The following SDC1 variants were observed in gnomAD, a reference collection of about 807,000 sequenced individuals.
SDC1 encodes the protein syndecan 1, also known as syndecan-1.
A neutral mutation model predicts 29.7 loss-of-function variants in SDC1; 14 were observed. The ratio of observed to expected loss-of-function variants is 0.47; its 90% CI spans 0.31 to 0.74. The LOEUF is 0.74. Ranked by LOEUF, SDC1 falls within the 30% of genes least tolerant of loss-of-function variation. SDC1 has a pLI of 0.05. For synonymous variants in SDC1, 204 were observed against 175.5 expected (o/e 1.16, Z -1.29); for missense variants, 406 against 400.3 (o/e 1.01, Z -0.12).
Position 20,202,624 on chromosome 2 carries a change from C to CCGT in SDC1, c.*139_*141dup. On this transcript the variant is annotated 3_prime_UTR_variant, in exon 5 of 5. Coordinates refer to ENST00000254351, the MANE Select transcript of SDC1 (RefSeq NM_002997.5). ...GGAGCTCCCAGCACACCCCACGACTCCGTGGGCAGGAGCGACCAGAGGGGC... is the reference window on the plus strand; with the variant it reads ...GGAGCTCCCAGCACACCCCACGACTCCGTCGTGGGCAGGAGCGACCAGAGGGGC... 1.2e-6 allele frequency: 1 copy of CCGT among 804,650 alleles called. No individual in the cohort carries two copies. The highest frequency in any genetic ancestry group is 2.0e-6 in the Non-Finnish European group (1 of 498,018). 49.8% of individuals were successfully genotyped at this position (804,650 alleles called of 1,614,324 possible).
Position 20,202,897 on chromosome 2 carries a change from C to T in SDC1, c.802G>A (p.Val268Met). 1 of 1,613,558 alleles carries T rather than the reference C, an allele frequency of 6.2e-7. No individual in the cohort carries two copies. The highest frequency in any genetic ancestry group is 8.5e-7 in the Non-Finnish European group (1 of 1,179,768). The change falls in exon 5 of 5, where the codon GTG becomes ATG. Residue 268 changes from valine to methionine, a missense_variant. Coordinates refer to ENST00000254351, the MANE Select transcript of SDC1 (RefSeq NM_002997.5). ...TACAGCATGAAACCCACCAGGCACACAGCAAAGATGAGCCCCACGAGGCCT... is the reference window on the plus strand; with the variant it reads ...TACAGCATGAAACCCACCAGGCACATAGCAAAGATGAGCCCCACGAGGCCT... ...AGGLVGLIFA[V>M]CLVGFMLYRM...
rs1166131322 is a variant in SDC1, at chr2:20,224,368, GCAAGCCCGCGGGT to G, written c.66+421_66+433del. ...CGCCCGGGCTCGGCGGCGCTGGGGC[GCAAGCCCGCGGGT>G]CTGGTTTGAATTAGGGTCTGCAGGG... On this transcript the variant is annotated intron_variant, in intron 1 of 4. Transcript: ENST00000254351. This position sits in a 1 kb window ranked among gnomAD's most constrained non-coding sequence, Gnocchi z 4.9. 2.2e-4 allele frequency: 34 copies of G among 152,130 alleles called. No individual in the cohort carries two copies. The highest frequency in any genetic ancestry group is 6.8e-3 in the Middle Eastern group (2 of 296). The allele number at this position is 152,130 out of a possible 1,614,324, so 9.4% of individuals were successfully genotyped here. A position where few individuals can be genotyped will look rare whatever the true frequency, so the allele number is the denominator to read the frequency against.
chr2:20,211,603 C>G (rs1263478597), intron 1 of SDC1, among the ~76,000 whole-genome samples: 2 of 152,258 alleles, frequency 1.3e-5, no homozygotes, highest in African/African-American at 4.8e-5. Flanking sequence ...GCTGAGCCCA[C>G]TGGCTTCCCA....
At chr2:20,203,300 A>T (rs1677107654) in intron 3 of SDC1, 78 bp from the exon 4 acceptor site, 4 of 1,491,740 alleles carry the variant, frequency 2.7e-6, no homozygotes, top group Non-Finnish European at 3.6e-6. Flanking sequence ...AAGACCCAGA[A>T]GCAGCTCCTG....
At chr2:20,209,560 C>G (rs375215781) in intron 1 of SDC1, among the ~76,000 whole-genome samples, 1 of 152,212 alleles carries the variant, frequency 6.6e-6, no homozygotes, top group African/African-American at 2.4e-5. Flanking sequence ...TAGACCAGAA[C>G]GGGACCTGTG....
In SDC1 at chr2:20,204,119, C is replaced by T. The variant is rs140351530; in HGVS notation, c.321G>A (p.Leu107=). The part of the protein sequence containing the change: ...EGPKEGEAVV[L]PEVEPGLTAR... ...CGGTGAGGCCAGGCTCCACTTCTGG[C>T]AGGACTACAGCCTCTCCCTCCTTGG... The change falls in exon 3 of 5, where the codon CTG becomes CTA. Residue 107 remains leucine, a synonymous_variant. Transcript: ENST00000254351. 1.2e-6 allele frequency: 2 copies of T among 1,605,864 alleles called. No individual in the cohort carries two copies. The highest frequency in any genetic ancestry group is 2.7e-5 in the African/African-American group (2 of 74,812).
chr2:20,219,401 G>T (rs142290559), intron 1 of SDC1, among the ~76,000 whole-genome samples: 147 of 152,322 alleles, frequency 9.7e-4, no homozygotes, highest in African/African-American at 3.5e-3. Context: ...CAGGGGAAGC[G>T]ATGGCGTGGG....
At chr2:20,216,407 TGCGGTTTTCTCTGGGAGAA>T (rs1430298504) in intron 1 of SDC1, among the ~76,000 whole-genome samples, 3 of 152,186 alleles carry the variant, frequency 2.0e-5, no homozygotes, top group African/African-American at 7.2e-5. Context: ...CACTGCACCC[TGCGGTTTTCTCTGGGAGAA>T]GCTGGAATGA....
rs1677916300 is a variant in SDC1, at chr2:20,224,212, C to T, written c.66+590G>A. 2.4e-6 allele frequency: 1 copy of T among 415,148 alleles called. No homozygotes were observed. The highest frequency in any genetic ancestry group is 4.8e-6 in the Non-Finnish European group (1 of 208,212). The allele number at this position is 415,148 out of a possible 1,614,324, so 25.7% of individuals were successfully genotyped here. On this transcript the variant is annotated intron_variant, in intron 1 of 4. Coordinates refer to ENST00000254351, the MANE Select transcript of SDC1 (RefSeq NM_002997.5). The surrounding 1 kb of genome is among the most constrained non-coding windows in gnomAD (Gnocchi z 4.9). ...TCACCTCGAGCCGCCCACGGCAAGC[C>T]CGAGGGCCCTGCAGACGCTCGCCCG...
At chr2:20,207,427 C>T in intron 1 of SDC1, 1 of 984,394 alleles carries the variant, frequency 1.0e-6, no homozygotes, top group Non-Finnish European at 1.2e-6. Context: ...AATAAACAGT[C>T]ATTGACTTGA....
Position 20,224,188 on chromosome 2 carries a change from C to T in SDC1, c.66+614G>A. ...CTCCCGCTGCCGGGCCGGCTCAGCT[C>T]ACCTCGAGCCGCCCACGGCAAGCCC... On this transcript the variant is annotated intron_variant, in intron 1 of 4. Coordinates refer to ENST00000254351, the MANE Select transcript of SDC1 (RefSeq NM_002997.5). The surrounding 1 kb of genome is among the most constrained non-coding windows in gnomAD (Gnocchi z 4.9). The T allele has an allele frequency of 2.3e-6, 1 of 425,966 alleles. No homozygotes were observed. Among genetic ancestry groups the T allele is most frequent in the Non-Finnish European group, 4.7e-6 (1 of 213,646 alleles). 26.4% of individuals were successfully genotyped at this position (425,966 alleles called of 1,614,324 possible).
At chr2:20,203,059 C>G in intron 4 of SDC1, 28 bp downstream of exon 4, 12 of 1,583,374 alleles carry the variant, frequency 7.6e-6, no homozygotes, top group Non-Finnish European at 1.0e-5. Context: ...CAATTCACCC[C>G]AAACTACCCC....
At chr2:20,217,722 C>T (rs1677675560) in intron 1 of SDC1, among the ~76,000 whole-genome samples, 1 of 152,296 alleles carries the variant, frequency 6.6e-6, no homozygotes. Flanking sequence ...GGGGAGGACC[C>T]GTGGCCCTGG....
chr2:20,224,175 G>A lies in SDC1; in HGVS notation c.66+627C>T, dbSNP rs1286192738. 2.3e-6 allele frequency: 1 copy of A among 427,180 alleles called. No homozygotes were observed. The highest frequency in any genetic ancestry group is 4.7e-6 in the Non-Finnish European group (1 of 214,260). The allele number at this position is 427,180 out of a possible 1,614,324, so 26.5% of individuals were successfully genotyped here. ...AACTTCCCGGAACCTCCCGCTGCCGGGCCGGCTCAGCTCACCTCGAGCCGC... is the reference window on the plus strand; with the variant it reads ...AACTTCCCGGAACCTCCCGCTGCCGAGCCGGCTCAGCTCACCTCGAGCCGC... On this transcript the variant is annotated intron_variant, in intron 1 of 4. Coordinates refer to ENST00000254351, the MANE Select transcript of SDC1 (RefSeq NM_002997.5). The surrounding 1 kb of genome is among the most constrained non-coding windows in gnomAD (Gnocchi z 4.9).
In SDC1 at chr2:20,203,887, G is replaced by A. The variant is rs756367157; in HGVS notation, c.553C>T (p.Pro185Ser). Residue 185 changes from proline to serine, a missense_variant, in exon 3 of 5, where the codon CCT (proline) becomes TCT (serine). Pro to Ser is a moderately conservative substitution (Grantham distance 74). Transcript: ENST00000254351. ...TCAGCAGCCCTCTCGGTGGCAGAAG[G>A]ACCTCCATCCTCTGTGTGGGGAGTG... The part of the protein sequence containing the change: ...LHTPHTEDGG[P>S]SATERAAEDG... 6.8e-6 allele frequency: 11 copies of A among 1,611,090 alleles called. No individual in the cohort carries two copies. In the Admixed American group the frequency reaches 1.5e-4, roughly 22 times the overall value.
intron 1 of SDC1, among the ~76,000 whole-genome samples, chr2:20,209,930 C>T (rs72783298): frequency 0.11 from 17,477 of 152,316 alleles, 1,293 homozygotes; most frequent in South Asian, 0.19. Context: ...CATCTACCCC[C>T]CGCCATCAGC....
rs897966088 is a variant in SDC1, at chr2:20,224,803, G to C, written c.65C>G (p.Pro22Arg). 3 of 1,303,554 alleles carry C rather than the reference G, an allele frequency of 2.3e-6. No individual in the cohort carries two copies. Among genetic ancestry groups the C allele is most frequent in the South Asian group, 2.2e-5 (1 of 45,398 alleles). 80.7% of individuals were successfully genotyped at this position (1,303,554 alleles called of 1,614,324 possible). A position where few individuals can be genotyped will look rare whatever the true frequency, so the allele number is the denominator to read the frequency against. ...CGCCTGGCCGCCGGCCGCACTCACC[G>C]GCAGGGCCGGCTGCAGGCTCAGCGC... Reference protein sequence around the residue: ...ALALSLQPALPQIVATNLPPE... With the variant: ...ALALSLQPALRQIVATNLPPE... Residue 22 changes from proline (P) to arginine (R), a missense_variant and splice_region_variant, in exon 1 of 5, where the codon CCG becomes CGG. Transcript: ENST00000254351. This position sits in a 1 kb window ranked among gnomAD's most constrained non-coding sequence, Gnocchi z 4.9.
intron 1 of SDC1, among the ~76,000 whole-genome samples, chr2:20,219,984 A>G (rs933789282): frequency 5.3e-5 from 8 of 152,192 alleles, no homozygotes; most frequent in African/African-American, 1.9e-4. Flanking sequence ...CCAGCGCCCA[A>G]GGTAAAAGAT....
intron 2 of SDC1, among the ~76,000 whole-genome samples, chr2:20,204,499 C>T (rs1441331868): frequency 6.6e-6 from 1 of 151,970 alleles, no homozygotes; most frequent in African/African-American, 2.4e-5. Flanking sequence ...TGTGTGTGTC[C>T]AGGTGCAGCC....
Sources: gnomAD v4.1 joint callset for allele counts (sites outside exome capture counted in the v4.1 genomes callset) on GRCh38, gnomAD v4.1.1 for gene constraint, Gnocchi (gnomAD v3.1) non-coding constraint, MANE v1.5 for transcripts, NCBI Gene and HGNC (gene_info 2026-07-23, HGNC 2026-07-21) for gene names.